Variants in ANKS1B observed in about 807,000 individuals in gnomAD.
ANKS1B encodes the protein ankyrin repeat and sterile alpha motif domain containing 1B, also known as ankyrin repeat and sterile alpha motif domain-containing protein 1B.
A neutral mutation model predicts 148.3 loss-of-function variants in ANKS1B; 36 were observed. The ratio of observed to expected loss-of-function variants is 0.24; its 90% CI spans 0.19 to 0.32. The LOEUF (loss-of-function observed/expected upper bound fraction) is 0.32. Ranked by LOEUF, ANKS1B falls within the 10% of genes least tolerant of loss-of-function variation. The pLI, the probability that ANKS1B is intolerant of heterozygous loss-of-function variation, is 1.00. For synonymous variants in ANKS1B, 542 were observed against 560.8 expected, an observed-to-expected ratio of 0.97 and a Z score of 0.47; for missense variants, 1,157 against 1,542.6, an observed-to-expected ratio of 0.75 and a Z score of 4.19.
intron 1 of ANKS1B, among the ~76,000 whole-genome samples, chr12:99,860,753 T>G (rs1488955855): frequency 6.6e-6 from 1 of 152,124 alleles, no homozygotes; most frequent in African/African-American, 2.4e-5. Flanking sequence ...ATAACAAGAT[T>G]TTAAAACAGA....
At chr12:98,967,582 G>C (rs966376352) in intron 17 of ANKS1B, among the ~76,000 whole-genome samples, 2 of 145,728 alleles carry the variant, frequency 1.4e-5, no homozygotes, top group African/African-American at 5.1e-5. Flanking sequence ...TTTATATGGA[G>C]AGAGTCCCTG....
intron 12 of ANKS1B, among the ~76,000 whole-genome samples, chr12:99,360,137 T>C (rs1425944157): frequency 1.3e-5 from 2 of 152,292 alleles, no homozygotes; most frequent in African/African-American, 4.8e-5. Flanking sequence ...CCCGACTAAA[T>C]AATTAACTGA....
intron 17 of ANKS1B, among the ~76,000 whole-genome samples, chr12:98,967,741 C>G (rs2099879657): frequency 1.9e-5 from 2 of 102,716 alleles, no homozygotes; most frequent in African/African-American, 3.9e-5. Context: ...ATTTTGGAGA[C>G]AGACAAATCT....
chr12:98,745,958 G>C (rs570523471), intron 26 of ANKS1B, 109 bp from the exon 27 acceptor site: 1 of 1,231,510 alleles, frequency 8.1e-7, no homozygotes, highest in Non-Finnish European at 1.1e-6. Context: ...CAGGCGCGGG[G>C]CGGCGATGCT....
At position 99,691,010 on chromosome 12, in the gene ANKS1B, C is replaced by A. The variant is rs933948577; in HGVS notation, c.1129-35800G>T. On this transcript the variant is annotated intron_variant, in intron 8 of 26. Transcript: ENST00000683438. ...AATCTATGCAGAGATTCTCAAACCT[C>A]AATTCTTGACTTCTGTGCACCCATA... Among the ~76,000 whole-genome samples, 13 of 152,334 alleles carry A rather than the reference C, an allele frequency of 8.5e-5. No homozygotes were observed. The South Asian group carries it at 2.7e-3, about 32-fold the overall frequency.
At chr12:99,327,462 A>T (rs2086694214) in intron 12 of ANKS1B, among the ~76,000 whole-genome samples, 1 of 135,400 alleles carries the variant, frequency 7.4e-6, no homozygotes, top group African/African-American at 2.8e-5. Context: ...TATTATAATT[A>T]TATATGTAAA....
intron 11 of ANKS1B, among the ~76,000 whole-genome samples, chr12:99,437,349 A>C (rs527725908): frequency 4.0e-4 from 61 of 152,112 alleles, no homozygotes; most frequent in African/African-American, 1.4e-3. Flanking sequence ...TTCAACATAG[A>C]AATTTGGGGA....
intron 4 of ANKS1B, among the ~76,000 whole-genome samples, chr12:99,793,426 G>C (rs2065894670): frequency 6.6e-6 from 1 of 151,734 alleles, no homozygotes; most frequent in African/African-American, 2.4e-5. Flanking sequence ...AACATTACCT[G>C]ACTTCAAATT....
chr12:99,234,021 C>T (rs1006254357), intron 14 of ANKS1B, among the ~76,000 whole-genome samples: 4 of 152,040 alleles, frequency 2.6e-5, no homozygotes, highest in African/African-American at 4.8e-5. Flanking sequence ...CCTTCATCTC[C>T]ATTGCTTAAG....
chr12:99,009,514 A>G (rs2099938049), intron 17 of ANKS1B, among the ~76,000 whole-genome samples: 1 of 152,114 alleles, frequency 6.6e-6, no homozygotes, highest in Non-Finnish European at 1.5e-5. Flanking sequence ...TCCTTTATTC[A>G]TTGAACTCCT....
intron 1 of ANKS1B, among the ~76,000 whole-genome samples, chr12:99,948,340 A>C (rs2095124218): frequency 6.6e-6 from 1 of 152,110 alleles, no homozygotes; most frequent in Admixed American, 6.5e-5. Context: ...AGCAAAAAAA[A>C]AGAAGGATGC....
intron 11 of ANKS1B, among the ~76,000 whole-genome samples, chr12:99,410,735 GAC>G (rs1415342949): frequency 6.6e-6 from 1 of 152,204 alleles, no homozygotes; most frequent in Admixed American, 6.5e-5. Context: ...AAGTTGAACA[GAC>G]ACAGGAACGA....
chr12:99,897,999 TG>T (rs1285930027), intron 1 of ANKS1B, among the ~76,000 whole-genome samples: 32 of 141,022 alleles, frequency 2.3e-4, no homozygotes, highest in Non-Finnish European at 3.8e-4. Flanking sequence ...AGAAGTACAA[TG>T]ATGGAAGGCA....
At chr12:99,869,489 C>A (rs930820035) in intron 1 of ANKS1B, among the ~76,000 whole-genome samples, 4 of 151,798 alleles carry the variant, frequency 2.6e-5, no homozygotes, top group African/African-American at 7.3e-5. Context: ...GCCTGACCAA[C>A]ATGGAGAAAC....
At chr12:98,750,327 C>T (rs1319041970) in intron 26 of ANKS1B, among the ~76,000 whole-genome samples, 2 of 152,040 alleles carry the variant, frequency 1.3e-5, no homozygotes, top group Non-Finnish European at 2.9e-5. Flanking sequence ...GGGAAAGATC[C>T]CGAAAGTAAA....
At chr12:99,043,940 C>A (rs932340771) in intron 17 of ANKS1B, among the ~76,000 whole-genome samples, 1 of 152,212 alleles carries the variant, frequency 6.6e-6, no homozygotes, top group African/African-American at 2.4e-5. Context: ...TAAAAAAAAT[C>A]TATCTGGCTT....
At chr12:99,611,895 T>G (rs980122382) in intron 9 of ANKS1B, among the ~76,000 whole-genome samples, 3 of 152,126 alleles carry the variant, frequency 2.0e-5, no homozygotes, top group African/African-American at 7.2e-5. Flanking sequence ...AAATTCATTT[T>G]ATAACTCCTC....
At chr12:99,525,267 G>A (rs1476367886) in intron 9 of ANKS1B, among the ~76,000 whole-genome samples, 1 of 152,116 alleles carries the variant, frequency 6.6e-6, no homozygotes, top group East Asian at 1.9e-4. Context: ...ATTTTGTACT[G>A]ACTCAGTATT....
chr12:99,816,898 T>C (rs919960552), intron 2 of ANKS1B, among the ~76,000 whole-genome samples: 4 of 151,728 alleles, frequency 2.6e-5, no homozygotes, highest in African/African-American at 9.7e-5. Flanking sequence ...AGTATTTTTA[T>C]TGATACATAA....
Sources: gnomAD v4.1 joint callset for allele counts (sites outside exome capture counted in the v4.1 genomes callset) on GRCh38, gnomAD v4.1.1 for gene constraint, MANE v1.5 for transcripts, NCBI Gene and HGNC (gene_info 2026-07-23, HGNC 2026-07-21) for gene names.